The following MAPKAP1 variants were observed in gnomAD, a reference collection of about 807,000 sequenced individuals.
MAPKAP1 encodes target of rapamycin complex 2 subunit MAPKAP1.
Under a neutral mutation model 65.7 loss-of-function variants are expected in MAPKAP1, and 20 were observed. The observed-to-expected ratio is 0.30, with a 90% CI of 0.21 to 0.44. MAPKAP1 has a LOEUF of 0.44. Ranked by LOEUF, MAPKAP1 falls within the 20% of genes least tolerant of loss-of-function variation. The probability of loss-of-function intolerance (pLI) is 1.00; values close to 1 mark genes in which losing one functional copy is unlikely to be tolerated. For missense variants in MAPKAP1, 423 were observed against 648.0 expected, an observed-to-expected ratio of 0.65 and a Z score of 3.77; for synonymous variants, 222 against 244.3, an observed-to-expected ratio of 0.91 and a Z score of 0.85.
chr9:125,607,563 G>A (rs1832474521), intron 4 of MAPKAP1, among the ~76,000 whole-genome samples: 1 of 152,216 alleles, frequency 6.6e-6, no homozygotes, highest in Non-Finnish European at 1.5e-5. Context: ...GATGCTAACT[G>A]GGGATGTCTA....
At chr9:125,513,171 G>A (rs1048399839) in intron 7 of MAPKAP1, 12 of 152,396 alleles carry the variant, frequency 7.9e-5, no homozygotes, top group African/African-American at 2.9e-4. Context: ...AGCCTCCTGA[G>A]GAGCTGGGAC....
At chr9:125,702,293 G>C (rs1286469012) in intron 1 of MAPKAP1, among the ~76,000 whole-genome samples, 1 of 152,122 alleles carries the variant, frequency 6.6e-6, no homozygotes, top group East Asian at 1.9e-4. Context: ...CCAGCACTTT[G>C]GGAGGCCAAG....
Position 125,438,642 on chromosome 9 carries a change from T to G in MAPKAP1, c.*245A>C. ...GGCGGCACGTGGCTCCTCTAGGGGG[T>G]GGTCTGACCCCCAAGCATCGCTTAT... On this transcript the variant is annotated 3_prime_UTR_variant, in exon 12 of 12. Coordinates refer to ENST00000265960, the MANE Select transcript of MAPKAP1 (RefSeq NM_001006617.3). 2.0e-6 allele frequency: 1 copy of G among 493,372 alleles called. No individual in the cohort carries two copies. 30.6% of individuals were successfully genotyped at this position (493,372 alleles called of 1,614,324 possible).
chr9:125,525,719 A>T (rs1829745669), intron 7 of MAPKAP1, among the ~76,000 whole-genome samples: 1 of 151,238 alleles, frequency 6.6e-6, no homozygotes, highest in African/African-American at 2.4e-5. Flanking sequence ...AAAAAAAAAA[A>T]GGAAAAGTAA....
At chr9:125,555,601 A>G (rs1410466975) in intron 6 of MAPKAP1, among the ~76,000 whole-genome samples, 3 of 152,220 alleles carry the variant, frequency 2.0e-5, no homozygotes, top group African/African-American at 2.4e-5. Context: ...GGTGGGACAC[A>G]CTGCTGGGTC....
chr9:125,576,503 C>T (rs1376094671), intron 5 of MAPKAP1, among the ~76,000 whole-genome samples: 1 of 150,782 alleles, frequency 6.6e-6, no homozygotes, highest in Non-Finnish European at 1.5e-5. Context: ...TCTCCCTCTC[C>T]CCACGGTCTC....
At chr9:125,484,706 G>A in intron 8 of MAPKAP1, 123 bp from the exon 9 acceptor site, 1 of 907,222 alleles carries the variant, frequency 1.1e-6, no homozygotes, top group South Asian at 2.3e-5. Flanking sequence ...AGAAAAGGCT[G>A]AGCGATGACT....
intron 7 of MAPKAP1, among the ~76,000 whole-genome samples, chr9:125,507,369 G>T (rs1301393569): frequency 6.6e-6 from 1 of 152,214 alleles, no homozygotes; most frequent in African/African-American, 2.4e-5. Context: ...TCTGAAAGGC[G>T]TGTTTGGTCA....
At chr9:125,688,910 C>T (rs936377871) in intron 1 of MAPKAP1, among the ~76,000 whole-genome samples, 1 of 152,182 alleles carries the variant, frequency 6.6e-6, no homozygotes, top group African/African-American at 2.4e-5. Context: ...CCAATCACTA[C>T]AATATGCTGT....
intron 10 of MAPKAP1, among the ~76,000 whole-genome samples, chr9:125,466,018 G>A (rs545668074): frequency 3.9e-5 from 6 of 152,322 alleles, no homozygotes; most frequent in African/African-American, 1.2e-4. Flanking sequence ...TGAGGCTAGC[G>A]TGTCAGCTGC....
At chr9:125,573,486 T>G (rs1831301874) in intron 5 of MAPKAP1, among the ~76,000 whole-genome samples, 1 of 152,170 alleles carries the variant, frequency 6.6e-6, no homozygotes, top group African/African-American at 2.4e-5. Flanking sequence ...GAAATAACCA[T>G]AAAAATGGGC....
intron 10 of MAPKAP1, among the ~76,000 whole-genome samples, chr9:125,465,884 G>T (rs1350926510): frequency 6.6e-6 from 1 of 152,204 alleles, no homozygotes; most frequent in East Asian, 1.9e-4. Context: ...GGAAATGTTT[G>T]TAAGTTAGAG....
intron 4 of MAPKAP1, among the ~76,000 whole-genome samples, chr9:125,597,001 T>C (rs566887723): frequency 8.5e-4 from 126 of 148,126 alleles, no homozygotes; most frequent in African/African-American, 2.3e-3. Flanking sequence ...CGGTGGCTTA[T>C]GCCTGTAATC....
At chr9:125,557,578 A>G (rs961378450) in intron 6 of MAPKAP1, among the ~76,000 whole-genome samples, 4 of 152,140 alleles carry the variant, frequency 2.6e-5, no homozygotes, top group African/African-American at 7.2e-5. Flanking sequence ...CTTACAAGGC[A>G]TGATCCTAAG....
intron 8 of MAPKAP1, among the ~76,000 whole-genome samples, chr9:125,499,130 G>A (rs1828896419): frequency 6.6e-6 from 1 of 152,206 alleles, no homozygotes; most frequent in Non-Finnish European, 1.5e-5. Context: ...AAGTGGCAAG[G>A]CCAGGATGTG....
chr9:125,588,027 C>T (rs1463242322), intron 4 of MAPKAP1, among the ~76,000 whole-genome samples: 1 of 152,066 alleles, frequency 6.6e-6, no homozygotes, highest in African/African-American at 2.4e-5. Flanking sequence ...AAAAATGAAA[C>T]ACAGAATTAC....
At chr9:125,635,020 T>G (rs926035387) in intron 4 of MAPKAP1, among the ~76,000 whole-genome samples, 1 of 152,180 alleles carries the variant, frequency 6.6e-6, no homozygotes, top group Non-Finnish European at 1.5e-5. Context: ...TCCTCTCCAG[T>G]TAGTCAACAA....
At chr9:125,475,143 C>A (rs984678662) in intron 9 of MAPKAP1, among the ~76,000 whole-genome samples, 2 of 152,170 alleles carry the variant, frequency 1.3e-5, no homozygotes, top group Non-Finnish European at 2.9e-5. Flanking sequence ...AGGCTCAGGG[C>A]TGGGACATGA....
intron 4 of MAPKAP1, among the ~76,000 whole-genome samples, chr9:125,640,382 C>A (rs1052456206): frequency 6.6e-6 from 1 of 152,038 alleles, no homozygotes; most frequent in African/African-American, 2.4e-5. Flanking sequence ...GGATTACAGG[C>A]GTGAGCCACC....
Sources: gnomAD v4.1 joint callset for allele counts (sites outside exome capture counted in the v4.1 genomes callset) on GRCh38, gnomAD v4.1.1 for gene constraint, MANE v1.5 for transcripts, NCBI Gene and HGNC (gene_info 2026-07-23, HGNC 2026-07-21) for gene names.